GRAMD1B: variants seen among roughly 807,000 people sequenced by gnomAD.
GRAMD1B encodes the protein protein Aster-B.
GRAMD1B carries 37 observed loss-of-function variants against 99.7 expected under a neutral mutation model. That is an observed-to-expected ratio of 0.37 (90% CI 0.29 to 0.49). The LOEUF (loss-of-function observed/expected upper bound fraction) is 0.49. GRAMD1B is among the 20% of genes least tolerant of loss of function. The pLI, the probability that GRAMD1B is intolerant of heterozygous loss-of-function variation, is 0.98. For synonymous variants in GRAMD1B, 427 were observed against 387.6 expected (o/e 1.10, Z -1.19); for missense variants, 888 against 1,009.2 (o/e 0.88, Z 1.63).
intron 2 of GRAMD1B, among the ~76,000 whole-genome samples, chr11:123,572,406 GT>G (rs1245255617): frequency 6.6e-6 from 1 of 152,190 alleles, no homozygotes; most frequent in Non-Finnish European, 1.5e-5. Flanking sequence ...TTTATGTTAT[GT>G]TATGCATGTT....
intron 2 of GRAMD1B, among the ~76,000 whole-genome samples, chr11:123,555,244 C>T (rs986415655): frequency 3.9e-5 from 6 of 152,168 alleles, no homozygotes; most frequent in Admixed American, 3.9e-4. Flanking sequence ...CGGAACTTAC[C>T]TTGAAGGGTT....
intron 1 of GRAMD1B, among the ~76,000 whole-genome samples, chr11:123,467,700 T>C (rs190231763): frequency 6.6e-6 from 1 of 152,246 alleles, no homozygotes; most frequent in Admixed American, 6.5e-5. Context: ...GGTGGAAACA[T>C]GGATGGATGA....
chr11:123,400,657 A>C (rs1056122314), intron 1 of GRAMD1B, among the ~76,000 whole-genome samples: 1 of 152,008 alleles, frequency 6.6e-6, no homozygotes, highest in African/African-American at 2.4e-5. Context: ...TTTCATAAGG[A>C]CACTAATCCA....
chr11:123,411,149 C>A (rs1001848825), intron 1 of GRAMD1B, among the ~76,000 whole-genome samples: 14 of 151,832 alleles, frequency 9.2e-5, no homozygotes, highest in African/African-American at 3.1e-4. Flanking sequence ...GGACTATAGG[C>A]GCCCGCCACC....
intron 2 of GRAMD1B, among the ~76,000 whole-genome samples, chr11:123,572,432 A>G (rs1948209296): frequency 6.6e-6 from 1 of 152,190 alleles, no homozygotes; most frequent in East Asian, 1.9e-4. Flanking sequence ...GTTAGAAGAT[A>G]CTCAGGAATT....
intron 2 of GRAMD1B, among the ~76,000 whole-genome samples, chr11:123,545,355 C>A (rs905117653): frequency 6.6e-6 from 1 of 152,166 alleles, no homozygotes; most frequent in Non-Finnish European, 1.5e-5. Flanking sequence ...CCCGGGAATC[C>A]GATTATCAAT....
At position 123,470,537 on chromosome 11, in the gene GRAMD1B, G is replaced by A. The variant is rs546205631; in HGVS notation, c.375-10279G>A. ...TTTTTTTTTTTTTTTTTTTTGAGGC[G>A]GGGTCTCACTCTGTCACCCAGGCTG... On this transcript the variant is annotated intron_variant, in intron 1 of 19. Coordinates refer to ENST00000635736, the MANE Select transcript of GRAMD1B (RefSeq NM_001387025.1). 1.0e-4 allele frequency among the ~76,000 whole-genome samples: 15 copies of A among 146,328 alleles called. No individual in the cohort carries two copies. The South Asian group carries it at 2.2e-3, about 21-fold the overall frequency.
chr11:123,553,551 A>T (rs12225013), intron 2 of GRAMD1B, among the ~76,000 whole-genome samples: 15,636 of 152,210 alleles, frequency 0.1, 920 homozygotes, highest in Middle Eastern at 0.15. Flanking sequence ...CTCACCCTTC[A>T]ATCTCCTGGC....
At chr11:123,376,153 GA>G (rs146910031) in intron 1 of GRAMD1B, among the ~76,000 whole-genome samples, 1 of 150,190 alleles carries the variant, frequency 6.7e-6, no homozygotes, top group African/African-American at 2.4e-5. Flanking sequence ...TTCTAAACTT[GA>G]AAAAAAAATC....
chr11:123,450,378 A>G (rs1026876915), intron 1 of GRAMD1B, among the ~76,000 whole-genome samples: 1 of 152,118 alleles, frequency 6.6e-6, no homozygotes, highest in African/African-American at 2.4e-5. Flanking sequence ...TTTTTCCCCA[A>G]CTAACTAATC....
At chr11:123,533,714 A>G (rs1428857310) in intron 2 of GRAMD1B, among the ~76,000 whole-genome samples, 3 of 152,250 alleles carry the variant, frequency 2.0e-5, no homozygotes, top group Non-Finnish European at 2.9e-5. Context: ...GGCGTGAGCC[A>G]CTGTGCCTGG....
intron 2 of GRAMD1B, among the ~76,000 whole-genome samples, chr11:123,563,815 A>G (rs1947062601): frequency 6.6e-6 from 1 of 152,200 alleles, no homozygotes; most frequent in Non-Finnish European, 1.5e-5. Flanking sequence ...AAGGGTGGCA[A>G]GGGAAAGCCC....
chr11:123,553,095 C>T (rs543889455), intron 2 of GRAMD1B, among the ~76,000 whole-genome samples: 36 of 152,344 alleles, frequency 2.4e-4, no homozygotes, highest in Non-Finnish European at 3.5e-4. Flanking sequence ...CTCCCACCCC[C>T]AGACATTCTT....
At position 123,457,161 on chromosome 11, in the gene GRAMD1B, A is replaced by C. The variant is rs568508053; in HGVS notation, c.375-23655A>C. Among the ~76,000 whole-genome samples the C allele has an allele frequency of 3.3e-3, 344 of 104,072 alleles. 1 individual carries two copies. Among genetic ancestry groups the C allele is most frequent in the Non-Finnish European group, 6.1e-3 (292 of 47,556 alleles). 68.3% of individuals were successfully genotyped at this position (104,072 alleles called of 152,430 possible). ...AGAATTAGAACAGTTTATCCCTCGA[A>C]TCCCTTCCTGCTGTGAAGTATCGGC... On this transcript the variant is annotated intron_variant, in intron 1 of 19. Coordinates refer to ENST00000635736, the MANE Select transcript of GRAMD1B (RefSeq NM_001387025.1).
chr11:123,471,279 A>G (rs1446628246), intron 1 of GRAMD1B, among the ~76,000 whole-genome samples: 1 of 152,246 alleles, frequency 6.6e-6, no homozygotes, highest in Non-Finnish European at 1.5e-5. Context: ...TTTCCCTGAT[A>G]TAAAACAGGA....
chr11:123,560,274 G>A, intron 2 of GRAMD1B: 1 of 1,126,986 alleles, frequency 8.9e-7, no homozygotes, highest in Non-Finnish European at 1.1e-6. Context: ...GCTCAGAACA[G>A]CTGTCTGTGA....
chr11:123,388,324 G>A (rs1490031456), intron 1 of GRAMD1B, among the ~76,000 whole-genome samples: 1 of 151,960 alleles, frequency 6.6e-6, no homozygotes, highest in Non-Finnish European at 1.5e-5. Flanking sequence ...GCCTTTCAAA[G>A]GTGATTAGGT....
At chr11:123,558,558 T>C (rs1051469168) in intron 2 of GRAMD1B, among the ~76,000 whole-genome samples, 2 of 152,108 alleles carry the variant, frequency 1.3e-5, no homozygotes, top group Non-Finnish European at 2.9e-5. Flanking sequence ...GAAACTGAGT[T>C]TGAGATAAGA....
rs1955423066 is a variant in GRAMD1B, at chr11:123,625,068, A to G, written c.*2473A>G. 6.6e-6 allele frequency: 1 copy of G among 152,210 alleles called. No individual in the cohort carries two copies. Among genetic ancestry groups the G allele is most frequent in the South Asian group, 2.1e-4 (1 of 4,832 alleles). The allele number at this position is 152,210 out of a possible 1,614,324, so 9.4% of individuals were successfully genotyped here. On this transcript the variant is annotated 3_prime_UTR_variant, in exon 20 of 20. Coordinates refer to ENST00000635736, the MANE Select transcript of GRAMD1B (RefSeq NM_001387025.1). ...CCAATAATTTTTTGACTATCATACCAGGAAAAAACCAACAACTCTATTCAT... is the reference window on the plus strand; with the variant it reads ...CCAATAATTTTTTGACTATCATACCGGGAAAAAACCAACAACTCTATTCAT...
Sources: allele counts gnomAD v4.1 joint callset (sites outside exome capture counted in the v4.1 genomes callset), GRCh38; gene constraint gnomAD v4.1.1; transcripts MANE v1.5; gene names NCBI Gene and HGNC (gene_info 2026-07-23, HGNC 2026-07-21).